ZFPM2: variants seen among roughly 807,000 people sequenced by gnomAD.
ZFPM2 encodes the protein zinc finger protein, FOG family member 2, also known as zinc finger protein ZFPM2.
Under a neutral mutation model 98.6 loss-of-function variants are expected in ZFPM2, and 20 were observed. The observed-to-expected ratio is 0.20, with a 90% CI of 0.14 to 0.29. The LOEUF is 0.29. Among genes scored for constraint, ZFPM2 ranks in the 10% least tolerant of loss-of-function variants. ZFPM2 has a pLI of 1.00. For missense variants in ZFPM2, 1,310 were observed against 1,388.6 expected (o/e 0.94, Z 0.90); for synonymous variants, 518 against 502.7 (o/e 1.03, Z -0.41).
At chr8:105,473,360 C>T (rs1048022281) in intron 3 of ZFPM2, among the ~76,000 whole-genome samples, 9 of 152,134 alleles carry the variant, frequency 5.9e-5, no homozygotes, top group African/African-American at 1.9e-4. Context: ...CATTTTGTGA[C>T]ATTGTTTCTC....
At chr8:105,580,821 C>CTA (rs1246550089) in intron 4 of ZFPM2, among the ~76,000 whole-genome samples, 4,571 of 119,432 alleles carry the variant, frequency 0.038, 83 homozygotes, top group East Asian at 0.059. Context: ...CTCTCTCTCT[C>CTA]TCTCTCTATA....
At chr8:105,796,592 G>T (rs562647308) in intron 6 of ZFPM2, among the ~76,000 whole-genome samples, 3 of 152,114 alleles carry the variant, frequency 2.0e-5, no homozygotes, top group African/African-American at 7.2e-5. Context: ...ACTAGAATTT[G>T]ATCATTAGTT....
At chr8:105,594,346 GCCTTTTAAAACACAGAATGGA>G (rs1454276382) in intron 4 of ZFPM2, among the ~76,000 whole-genome samples, 4 of 151,992 alleles carry the variant, frequency 2.6e-5, no homozygotes, top group African/African-American at 9.7e-5. Context: ...ATTTGATTAT[GCCTTTTAAAACACAGAATGGA>G]CCTTTTACTT....
At chr8:105,595,468 G>T (rs973526330) in intron 4 of ZFPM2, among the ~76,000 whole-genome samples, 1 of 152,090 alleles carries the variant, frequency 6.6e-6, no homozygotes, top group Non-Finnish European at 1.5e-5. Flanking sequence ...TGTCTCAGAT[G>T]CCCACAGAAG....
chr8:105,668,760 T>A (rs1422212077), intron 5 of ZFPM2, among the ~76,000 whole-genome samples: 1 of 152,202 alleles, frequency 6.6e-6, no homozygotes, highest in Admixed American at 6.5e-5. Flanking sequence ...CATTTTCTTA[T>A]TACAGAATAT....
chr8:105,723,735 C>T (rs1452259037), intron 5 of ZFPM2, among the ~76,000 whole-genome samples: 3 of 151,796 alleles, frequency 2.0e-5, no homozygotes, highest in African/African-American at 4.8e-5. Flanking sequence ...TGATCATAAA[C>T]GCGACTGCAT....
At chr8:105,510,105 C>T (rs1266849241) in intron 3 of ZFPM2, among the ~76,000 whole-genome samples, 5 of 152,062 alleles carry the variant, frequency 3.3e-5, no homozygotes, top group Admixed American at 6.6e-5. Context: ...CTGTAGTTTT[C>T]CCCAACATTT....
At chr8:105,585,166 A>T (rs1057472588) in intron 4 of ZFPM2, among the ~76,000 whole-genome samples, 11 of 152,194 alleles carry the variant, frequency 7.2e-5, no homozygotes, top group Admixed American at 2.0e-4. Flanking sequence ...TACAGTTTTT[A>T]AAAAGACCTT....
In ZFPM2 at chr8:105,648,210, C is replaced by T. The variant is rs185409116; in HGVS notation, c.532+13853C>T. ...AGTGTCTGTTCATGTCCTTTGCCCA[C>T]TTTTTGATGGGGTTGTTTGCTTTTT... On this transcript the variant is annotated intron_variant, in intron 5 of 7. Transcript: ENST00000407775. Among the ~76,000 whole-genome samples, 3 of 152,218 alleles carry T rather than the reference C, an allele frequency of 2.0e-5. No individual in the cohort carries two copies. In the East Asian group the frequency reaches 5.8e-4, roughly 29 times the overall value.
At chr8:105,691,577 T>A (rs1392388085) in intron 5 of ZFPM2, among the ~76,000 whole-genome samples, 1 of 152,214 alleles carries the variant, frequency 6.6e-6, no homozygotes, top group East Asian at 1.9e-4. Context: ...ACCCTCACTA[T>A]TTTTGACTAT....
chr8:105,328,958 T>C (rs766988064), intron 1 of ZFPM2, among the ~76,000 whole-genome samples: 4 of 151,802 alleles, frequency 2.6e-5, no homozygotes, highest in Non-Finnish European at 5.9e-5. Context: ...AATATTCAAG[T>C]GTTCATTTGC....
chr8:105,527,580 G>A (rs576016272), intron 3 of ZFPM2, among the ~76,000 whole-genome samples: 44 of 152,342 alleles, frequency 2.9e-4, no homozygotes, highest in Non-Finnish European at 4.7e-4. Flanking sequence ...TTGGCCAGGC[G>A]CTGGCAGAAT....
chr8:105,649,232 A>T (rs1466308285), intron 5 of ZFPM2, among the ~76,000 whole-genome samples: 1 of 152,200 alleles, frequency 6.6e-6, no homozygotes, highest in Non-Finnish European at 1.5e-5. Context: ...TGATTTTTGT[A>T]TCCTGAGACT....
intron 5 of ZFPM2, chr8:105,676,026 G>A (rs1586190820): frequency 6.6e-6 from 1 of 152,142 alleles, no homozygotes; most frequent in Admixed American, 6.6e-5. Flanking sequence ...CTTCAGGTTA[G>A]CAAATCTTAC....
At chr8:105,582,953 C>CT (rs1260035874) in intron 4 of ZFPM2, among the ~76,000 whole-genome samples, 5 of 152,128 alleles carry the variant, frequency 3.3e-5, no homozygotes, top group Non-Finnish European at 5.9e-5. Context: ...CTGTGACTGT[C>CT]TATGTTGCTC....
chr8:105,610,882 C>T (rs1816296242), intron 4 of ZFPM2, among the ~76,000 whole-genome samples: 2 of 152,166 alleles, frequency 1.3e-5, no homozygotes. Context: ...GGAGCAGCTG[C>T]TGCCAATTAG....
At chr8:105,661,666 C>A (rs191863128) in intron 5 of ZFPM2, among the ~76,000 whole-genome samples, 1 of 152,010 alleles carries the variant, frequency 6.6e-6, no homozygotes, top group Non-Finnish European at 1.5e-5. Context: ...CTCTTTTAAT[C>A]CCTGTGGGGC....
At chr8:105,419,418 A>C in intron 2 of ZFPM2, 116 bp downstream of exon 2, 1 of 1,277,430 alleles carries the variant, frequency 7.8e-7, no homozygotes, top group Non-Finnish European at 1.1e-6. Flanking sequence ...GTCTGAAAAT[A>C]AGTGCAGATT....
chr8:105,412,141 T>C (rs1335442366), intron 1 of ZFPM2, among the ~76,000 whole-genome samples: 1 of 151,838 alleles, frequency 6.6e-6, no homozygotes, highest in Non-Finnish European at 1.5e-5. Context: ...CAAAGAATAT[T>C]ACTCCATTTT....
Sources: allele counts gnomAD v4.1 joint callset (sites outside exome capture counted in the v4.1 genomes callset), GRCh38; gene constraint gnomAD v4.1.1; transcripts MANE v1.5; gene names NCBI Gene and HGNC (gene_info 2026-07-23, HGNC 2026-07-21).